Variants in SLC44A5 observed in about 807,000 individuals in gnomAD.
The protein encoded by SLC44A5 is solute carrier family 44 member 5, also known as choline transporter-like protein 5.
Under a neutral mutation model 101.8 loss-of-function variants are expected in SLC44A5, and 57 were observed. The observed-to-expected ratio is 0.56, with a 90% CI of 0.45 to 0.70. The LOEUF is 0.70. SLC44A5 is among the 30% of genes least tolerant of loss of function. The probability of loss-of-function intolerance (pLI) is 0.00; values close to 1 mark genes in which losing one functional copy is unlikely to be tolerated. For synonymous variants in SLC44A5, 281 were observed against 290.9 expected (o/e 0.97, Z 0.35); for missense variants, 737 against 853.1 (o/e 0.86, Z 1.70).
intron 4 of SLC44A5, among the ~76,000 whole-genome samples, chr1:75,324,720 C>T (rs1656439897): frequency 6.6e-6 from 1 of 152,018 alleles, no homozygotes; most frequent in African/African-American, 2.4e-5. Flanking sequence ...TGAAGAGGAT[C>T]ATCTATTTTT....
chr1:75,362,223 C>G (rs1659535875), intron 3 of SLC44A5, among the ~76,000 whole-genome samples: 2 of 150,622 alleles, frequency 1.3e-5, no homozygotes, highest in Admixed American at 1.3e-4. Context: ...GTTTTGTTGA[C>G]TTGTTTTTTT....
intron 5 of SLC44A5, among the ~76,000 whole-genome samples, chr1:75,294,360 A>C (rs946997143): frequency 6.6e-6 from 1 of 152,220 alleles, no homozygotes; most frequent in African/African-American, 2.4e-5. Flanking sequence ...AGAAAAAAGG[A>C]ATTCTTGTAC....
the SLC44A5 span, among the ~76,000 whole-genome samples, chr1:75,625,747 G>A: frequency 6.6e-6 from 1 of 152,028 alleles, no homozygotes; most frequent in Admixed American, 6.6e-5. Flanking sequence ...TGGTAGTCTA[G>A]TCCCCCAGTT....
intron 2 of SLC44A5, among the ~76,000 whole-genome samples, chr1:75,495,686 G>C (rs1055042710): frequency 5.3e-5 from 8 of 151,642 alleles, no homozygotes; most frequent in African/African-American, 1.9e-4. Context: ...AAATCCTTCA[G>C]TCAAAAAAGC....
At chr1:75,300,014 C>CAAAAAAAAAAAAAAAACAAAA (rs1654310260) in intron 5 of SLC44A5, among the ~76,000 whole-genome samples, 1 of 93,796 alleles carries the variant, frequency 1.1e-5, no homozygotes, top group African/African-American at 5.4e-5. Context: ...GACTCTGTCT[C>CAAAAAAAAAAAAAAAACAAAA]AAAAAAAAAA....
chr1:75,593,432 C>A (rs1207420393), intron 1 of SLC44A5, among the ~76,000 whole-genome samples: 1 of 151,980 alleles, frequency 6.6e-6, no homozygotes, highest in African/African-American at 2.4e-5. Context: ...TTTGGAGGTT[C>A]CTCAAAAAAC....
intron 4 of SLC44A5, among the ~76,000 whole-genome samples, chr1:75,302,112 G>GTTTTTTTTTTTTTTTTTTTTTTTTTT (rs10684140): frequency 3.3e-5 from 2 of 60,138 alleles, no homozygotes; most frequent in African/African-American, 1.4e-4. Context: ...TAGTTTTTTT[G>GTTTTTTTTTTTTTTTTTTTTTTTTTT]TTTTTTTTTT....
chr1:75,611,172 C>T, upstream of SLC44A5: 5 of 855,590 alleles, frequency 5.8e-6, no homozygotes, highest in Non-Finnish European at 7.0e-6. Flanking sequence ...AAGGGCCATA[C>T]CCCATTCTTA....
At chr1:75,551,232 C>CTAATGAG in intron 1 of SLC44A5, among the ~76,000 whole-genome samples, 1 of 152,202 alleles carries the variant, frequency 6.6e-6, no homozygotes, top group Non-Finnish European at 1.5e-5. Context: ...TTTACTGCAG[C>CTAATGAG]TAATGAGTCC....
chr1:75,337,739 C>T (rs1657559752), intron 4 of SLC44A5, among the ~76,000 whole-genome samples: 1 of 152,152 alleles, frequency 6.6e-6, no homozygotes. Flanking sequence ...CTATGCATGA[C>T]CATCATCCCT....
At chr1:75,631,729 G>A in the SLC44A5 span, among the ~76,000 whole-genome samples, 7 of 151,762 alleles carry the variant, frequency 4.6e-5, no homozygotes, top group East Asian at 1.9e-4. Flanking sequence ...TAGAGACGGC[G>A]TTTCACCATG....
At chr1:75,641,885 G>A in the SLC44A5 span, 1 of 1,568,064 alleles carries the variant, frequency 6.4e-7, no homozygotes, top group Non-Finnish European at 8.8e-7. Flanking sequence ...TTTAAATAAG[G>A]AGACCCATTC....
chr1:75,255,445 C>A (rs199606110), intron 6 of SLC44A5, among the ~76,000 whole-genome samples: 17 of 148,494 alleles, frequency 1.1e-4, no homozygotes, highest in Non-Finnish European at 1.2e-4. Context: ...ATTGCCAAAA[C>A]AAAAAAAAAT....
At chr1:75,666,254 TG>T in the SLC44A5 span, among the ~76,000 whole-genome samples, 1 of 152,130 alleles carries the variant, frequency 6.6e-6, no homozygotes, top group Non-Finnish European at 1.5e-5. Context: ...ATAAAAAAAA[TG>T]TGGTATAAAA....
chr1:75,453,477 T>C (rs535526037), intron 2 of SLC44A5, among the ~76,000 whole-genome samples: 7 of 151,960 alleles, frequency 4.6e-5, no homozygotes, highest in Non-Finnish European at 1.0e-4. Flanking sequence ...CTAGAGGAAC[T>C]AGAAAAACAA....
rs570569517 is a variant in SLC44A5, at chr1:75,536,518, A to G, written c.13+4917T>C. On this transcript the variant is annotated intron_variant, in intron 2 of 23. Transcript: ENST00000370859. ...CCGGAGGCTGAGGTAGGAGAATGGCATGAACCCGGGAAGCGAAGCTTGCAG... is the reference window on the plus strand; with the variant it reads ...CCGGAGGCTGAGGTAGGAGAATGGCGTGAACCCGGGAAGCGAAGCTTGCAG... Among the ~76,000 whole-genome samples the G allele has an allele frequency of 2.2e-3, 327 of 148,562 alleles. 1 individual carries two copies. The highest frequency in any genetic ancestry group is 6.6e-3 in the African/African-American group (268 of 40,390).
chr1:75,490,377 G>A (rs1009197736), intron 2 of SLC44A5, among the ~76,000 whole-genome samples: 1 of 152,144 alleles, frequency 6.6e-6, no homozygotes, highest in African/African-American at 2.4e-5. Context: ...TGTGAATTAA[G>A]TGATTTTCTT....
At chr1:75,655,488 C>T in the SLC44A5 span, among the ~76,000 whole-genome samples, 4 of 152,134 alleles carry the variant, frequency 2.6e-5, no homozygotes, top group Non-Finnish European at 5.9e-5. Context: ...CAGCTGCATC[C>T]AGGCCATAGT....
intron 2 of SLC44A5, among the ~76,000 whole-genome samples, chr1:75,407,032 T>C (rs1197676041): frequency 5.9e-5 from 9 of 152,112 alleles, no homozygotes; most frequent in Non-Finnish European, 7.4e-5. Flanking sequence ...AAAATCAATG[T>C]GCAAAAATAA....
Sources: gnomAD v4.1 joint callset for allele counts (sites outside exome capture counted in the v4.1 genomes callset) on GRCh38, gnomAD v4.1.1 for gene constraint, MANE v1.5 for transcripts, NCBI Gene and HGNC (gene_info 2026-07-23, HGNC 2026-07-21) for gene names.